SLC39A11: variants seen among roughly 807,000 people sequenced by gnomAD.
The protein encoded by SLC39A11 is solute carrier family 39 member 11.
SLC39A11 carries 33 observed loss-of-function variants against 36.1 expected under a neutral mutation model. That is an observed-to-expected ratio of 0.91 (90% CI 0.69 to 1.22). The LOEUF (loss-of-function observed/expected upper bound fraction) is 1.22, where lower values mean the gene tolerates loss of function less well. Ranked by LOEUF, SLC39A11 falls within the 50% of genes most tolerant of loss-of-function variation. SLC39A11 has a pLI of 0.00. For synonymous variants in SLC39A11, 166 were observed against 170.3 expected, an observed-to-expected ratio of 0.97 and a Z score of 0.20; for missense variants, 432 against 430.3, an observed-to-expected ratio of 1.00 and a Z score of -0.03.
At chr17:72,955,516 C>T (rs866708568) in intron 4 of SLC39A11, among the ~76,000 whole-genome samples, 10 of 145,528 alleles carry the variant, frequency 6.9e-5, no homozygotes, top group Non-Finnish European at 1.2e-4. Context: ...ACCATGTTGG[C>T]CAGGCTGGTC....
At chr17:72,744,425 GA>G (rs201510272) in intron 6 of SLC39A11, among the ~76,000 whole-genome samples, 3 of 149,446 alleles carry the variant, frequency 2.0e-5, no homozygotes, top group Admixed American at 6.6e-5. Context: ...GACACTTACA[GA>G]AAAAAAAAAT....
intron 7 of SLC39A11, among the ~76,000 whole-genome samples, chr17:72,713,183 T>C (rs2073187371): frequency 6.6e-6 from 1 of 152,168 alleles, no homozygotes; most frequent in South Asian, 2.1e-4. Context: ...TGGAGACTTC[T>C]GGATCCACAG....
Position 72,679,550 on chromosome 17 carries a change from C to T in SLC39A11, c.672-30282G>A, listed in dbSNP as rs562068616. 2.0e-4 allele frequency among the ~76,000 whole-genome samples: 30 copies of T among 152,240 alleles called. No homozygotes were observed. The South Asian group carries it at 4.2e-3, about 21-fold the overall frequency. ...CTATTGGAACTTGAATAGAGACAGC[C>T]GCGCCCACCTCGGGCTTCTTCAAGG... On this transcript the variant is annotated intron_variant, in intron 7 of 9. Transcript: ENST00000255559.
intron 4 of SLC39A11, among the ~76,000 whole-genome samples, chr17:72,964,576 C>T (rs150158609): frequency 1.8e-3 from 274 of 152,260 alleles, no homozygotes; most frequent in African/African-American, 6.0e-3. Context: ...TGGGAATGGG[C>T]GTGACACTCA....
intron 7 of SLC39A11, among the ~76,000 whole-genome samples, chr17:72,679,243 T>C (rs2071405099): frequency 6.6e-6 from 1 of 152,180 alleles, no homozygotes; most frequent in Non-Finnish European, 1.5e-5. Flanking sequence ...AGTAATTTAT[T>C]GTATGCTTCA....
At chr17:72,864,309 CT>C (rs36113238) in intron 5 of SLC39A11, among the ~76,000 whole-genome samples, 8,097 of 138,156 alleles carry the variant, frequency 0.059, 332 homozygotes, top group East Asian at 0.27. Context: ...TAAGCATCGG[CT>C]TTTTTTTTTT....
At chr17:72,657,284 C>T (rs996397457) in intron 7 of SLC39A11, among the ~76,000 whole-genome samples, 5 of 152,072 alleles carry the variant, frequency 3.3e-5, no homozygotes, top group Non-Finnish European at 2.9e-5. Context: ...CGCTTGAACC[C>T]GGGAGGCAGA....
intron 5 of SLC39A11, among the ~76,000 whole-genome samples, chr17:72,893,435 G>C (rs1374417234): frequency 6.6e-6 from 1 of 151,988 alleles, no homozygotes; most frequent in African/African-American, 2.4e-5. Context: ...ACTCCAGCCT[G>C]GGCGACACAG....
intron 7 of SLC39A11, among the ~76,000 whole-genome samples, chr17:72,716,978 A>AT (rs1028376854): frequency 2.0e-4 from 24 of 118,398 alleles, no homozygotes; most frequent in Non-Finnish European, 2.4e-4. Flanking sequence ...CAAAAAAAAA[A>AT]AAATATATAT....
At chr17:73,034,329 TCTC>T (rs1264052730) in intron 3 of SLC39A11, among the ~76,000 whole-genome samples, 2 of 152,154 alleles carry the variant, frequency 1.3e-5, no homozygotes, top group African/African-American at 4.8e-5. Flanking sequence ...TTCAAGCAAT[TCTC>T]CTGCCTTAGC....
At chr17:72,819,247 C>T (rs528637021) in intron 6 of SLC39A11, among the ~76,000 whole-genome samples, 13 of 151,072 alleles carry the variant, frequency 8.6e-5, no homozygotes, top group Non-Finnish European at 1.5e-4. Context: ...AGCACAGAAT[C>T]GGACATACAT....
chr17:72,802,373 T>C (rs2077115514), intron 6 of SLC39A11, among the ~76,000 whole-genome samples: 1 of 152,058 alleles, frequency 6.6e-6, no homozygotes, highest in South Asian at 2.1e-4. Context: ...GTGGATCCCC[T>C]GAGGTCAGGA....
At position 72,736,542 on chromosome 17, in the gene SLC39A11, G is replaced by A. The variant is rs1240891550; in HGVS notation, c.671+108C>T. 8.7e-6 allele frequency: 8 copies of A among 920,552 alleles called. No homozygotes were observed. In the Admixed American group the frequency reaches 1.1e-4, roughly 12 times the overall value. 57.0% of individuals were successfully genotyped at this position (920,552 alleles called of 1,614,324 possible). A position where few individuals can be genotyped will look rare whatever the true frequency, so the allele number is the denominator to read the frequency against. ...CCTCCATCAGTCTTGGTCCTGTGGGGCTGGGGTGCTGAACAATAATGCACA... is the reference window on the plus strand; with the variant it reads ...CCTCCATCAGTCTTGGTCCTGTGGGACTGGGGTGCTGAACAATAATGCACA... On this transcript the variant is annotated intron_variant, in intron 7 of 9. Coordinates refer to ENST00000255559, the MANE Select transcript of SLC39A11 (RefSeq NM_139177.4).
intron 6 of SLC39A11, among the ~76,000 whole-genome samples, chr17:72,819,637 G>A (rs1441261692): frequency 6.6e-6 from 1 of 150,994 alleles, no homozygotes. Flanking sequence ...ACTTCTAGAA[G>A]CCCAAAAAAC....
chr17:72,942,612 G>T (rs1043859975), intron 5 of SLC39A11, among the ~76,000 whole-genome samples: 3 of 152,184 alleles, frequency 2.0e-5, no homozygotes, highest in Non-Finnish European at 2.9e-5. Context: ...CCTTCAGGAA[G>T]ACATGGAAAG....
rs2069570339 is a variant in SLC39A11 at position 72,646,543 on chromosome 17, C to G, written c.*1041G>C. On this transcript the variant is annotated 3_prime_UTR_variant, in exon 10 of 10. Transcript: ENST00000255559. ...CTCTTCTTTTCCTATCCCCTTCTTC[C>G]TTTCCCATCCTGAGCCCTCTGGCAA... 2 of 152,456 alleles carry G rather than the reference C, an allele frequency of 1.3e-5. No individual in the cohort carries two copies. Among genetic ancestry groups the G allele is most frequent in the Non-Finnish European group, 2.9e-5 (2 of 68,036 alleles). The allele number at this position is 152,456 out of a possible 1,614,324, so 9.4% of individuals were successfully genotyped here. A position where few individuals can be genotyped will look rare whatever the true frequency, so the allele number is the denominator to read the frequency against.
chr17:72,736,601 C>T, intron 7 of SLC39A11, 49 bp downstream of exon 7: 1 of 1,490,186 alleles, frequency 6.7e-7, no homozygotes, highest in Non-Finnish European at 9.4e-7. Flanking sequence ...ACACCCAGAG[C>T]ACCCCTGGGT....
chr17:73,072,212 C>T lies in SLC39A11; in HGVS notation c.147+12596G>A, dbSNP rs551060391. On this transcript the variant is annotated intron_variant, in intron 3 of 9. Transcript: ENST00000255559. The stretch of plus-strand genomic sequence containing the variant: ...CCCCCAAACAAAGAGGAAGATCTTC[C>T]CGGGGGAATGCTGTGGCCCTATCAA... 5.6e-4 allele frequency: 86 copies of T among 152,318 alleles called. 1 individual carries two copies. The Middle Eastern group carries it at 0.014, about 24-fold the overall frequency. The allele number at this position is 152,318 out of a possible 1,614,324, so 9.4% of individuals were successfully genotyped here.
At chr17:73,016,100 T>C (rs1417977876) in intron 4 of SLC39A11, among the ~76,000 whole-genome samples, 4 of 152,058 alleles carry the variant, frequency 2.6e-5, no homozygotes, top group Admixed American at 1.3e-4. Context: ...CATGGGTTAA[T>C]AGTCACTATT....
Sources: gnomAD v4.1 joint callset for allele counts (sites outside exome capture counted in the v4.1 genomes callset) on GRCh38, gnomAD v4.1.1 for gene constraint, MANE v1.5 for transcripts, NCBI Gene and HGNC (gene_info 2026-07-23, HGNC 2026-07-21) for gene names.